The following NRP1 variants were observed in gnomAD, a reference collection of about 807,000 sequenced individuals.
NRP1 encodes the protein neuropilin-1.
NRP1 carries 35 observed loss-of-function variants against 106.7 expected under a neutral mutation model. The ratio of observed to expected loss-of-function variants is 0.33; its 90% CI spans 0.25 to 0.43. The LOEUF is 0.43. Ranked by LOEUF, NRP1 falls within the 20% of genes least tolerant of loss-of-function variation. The probability of loss-of-function intolerance (pLI) is 1.00; values close to 1 mark genes in which losing one functional copy is unlikely to be tolerated. For synonymous variants in NRP1, 437 were observed against 417.9 expected, an observed-to-expected ratio of 1.05 and a Z score of -0.56; for missense variants, 1,024 against 1,170.4, an observed-to-expected ratio of 0.87 and a Z score of 1.83.
At chr10:33,251,093 G>A (rs1243746526) in intron 6 of NRP1, among the ~76,000 whole-genome samples, 2 of 152,174 alleles carry the variant, frequency 1.3e-5, no homozygotes, top group Admixed American at 1.3e-4. Context: ...GAGGGGCCTG[G>A]TGGGAGGTGA....
chr10:33,206,685 A>C (rs11815961), intron 10 of NRP1, among the ~76,000 whole-genome samples: 39,253 of 152,142 alleles, frequency 0.26, 5,683 homozygotes, highest in East Asian at 0.6. Flanking sequence ...GTCATTCTTG[A>C]AGCTAGGCTG....
At chr10:33,332,878 A>AGTGTGTGT (rs34920873) in intron 1 of NRP1, among the ~76,000 whole-genome samples, 17,397 of 149,950 alleles carry the variant, frequency 0.12, 1,127 homozygotes, top group East Asian at 0.2. Context: ...AAAACTAAGA[A>AGTGTGTGT]GTGTGTGTGT....
chr10:33,269,678 C>T (rs552045900), intron 3 of NRP1, among the ~76,000 whole-genome samples: 1 of 152,168 alleles, frequency 6.6e-6, no homozygotes, highest in Non-Finnish European at 1.5e-5. Context: ...AAAGTGTTGT[C>T]TGTATTTACA....
intron 2 of NRP1, among the ~76,000 whole-genome samples, chr10:33,294,967 G>T (rs1309892760): frequency 6.6e-6 from 1 of 152,166 alleles, no homozygotes; most frequent in African/African-American, 2.4e-5. Flanking sequence ...TCAACTTTGG[G>T]CAATGGGTCT....
At chr10:33,234,585 G>A (rs201645469) in intron 6 of NRP1, among the ~76,000 whole-genome samples, 4 of 151,924 alleles carry the variant, frequency 2.6e-5, no homozygotes, top group East Asian at 1.9e-4. Flanking sequence ...TCATGCTGTC[G>A]AAAAACAAAA....
intron 2 of NRP1, among the ~76,000 whole-genome samples, chr10:33,302,769 C>T (rs1845891642): frequency 6.6e-6 from 1 of 152,168 alleles, no homozygotes; most frequent in Non-Finnish European, 1.5e-5. Flanking sequence ...AGAAGGACTG[C>T]ATGAAGAGCC....
In NRP1 at chr10:33,196,556, A is replaced by G. The variant is rs74938535; in HGVS notation, c.1924+1094T>C. Among the ~76,000 whole-genome samples, 788 of 152,158 alleles carry G rather than the reference A, an allele frequency of 5.2e-3. 6 individuals carry two copies. Among genetic ancestry groups the G allele is most frequent in the African/African-American group, 0.018 (749 of 41,510 alleles). On this transcript the variant is annotated intron_variant, in intron 12 of 16. Coordinates refer to ENST00000374867, the MANE Select transcript of NRP1 (RefSeq NM_003873.7). ...CTTAAGATGTGTGTAGGACGACACC[A>G]TTTTCTGAATTTAGGCAGTGACTCT...
chr10:33,284,362 G>C (rs529906215), intron 2 of NRP1, among the ~76,000 whole-genome samples: 2 of 152,312 alleles, frequency 1.3e-5, no homozygotes, highest in South Asian at 4.1e-4. Flanking sequence ...GATTGATAGT[G>C]TAGATAAAGT....
intron 11 of NRP1, among the ~76,000 whole-genome samples, chr10:33,199,383 A>ATATATATG (rs1564372757): frequency 3.3e-5 from 2 of 59,944 alleles, no homozygotes; most frequent in Non-Finnish European, 6.1e-5. Context: ...ATATATATAT[A>ATATATATG]TATATATTTT....
chr10:33,229,886 G>A (rs186267212), intron 6 of NRP1, among the ~76,000 whole-genome samples: 1 of 152,150 alleles, frequency 6.6e-6, no homozygotes, highest in Non-Finnish European at 1.5e-5. Context: ...ATAGTTTCCT[G>A]CTGTGCTTTA....
At chr10:33,268,735 G>A (rs1400598018) in intron 3 of NRP1, among the ~76,000 whole-genome samples, 1 of 152,196 alleles carries the variant, frequency 6.6e-6, no homozygotes, top group African/African-American at 2.4e-5. Context: ...GTACATATGT[G>A]TGTGTACATA....
intron 2 of NRP1, among the ~76,000 whole-genome samples, chr10:33,281,740 G>A (rs980274626): frequency 1.3e-5 from 2 of 152,134 alleles, no homozygotes. Context: ...AGAATCCCAG[G>A]GAGAAATAAA....
intron 2 of NRP1, among the ~76,000 whole-genome samples, chr10:33,293,279 T>C (rs1291853543): frequency 1.3e-5 from 2 of 152,244 alleles, no homozygotes; most frequent in Non-Finnish European, 2.9e-5. Flanking sequence ...ATTTTTGGCC[T>C]GACAAACTTT....
At chr10:33,295,890 A>G (rs1257172450) in intron 2 of NRP1, among the ~76,000 whole-genome samples, 1 of 152,234 alleles carries the variant, frequency 6.6e-6, no homozygotes, top group Admixed American at 6.5e-5. Flanking sequence ...AATTAAGTTA[A>G]TAACAAGCAA....
At chr10:33,307,856 C>A (rs1299113168) in intron 2 of NRP1, among the ~76,000 whole-genome samples, 2 of 152,102 alleles carry the variant, frequency 1.3e-5, no homozygotes, top group Non-Finnish European at 2.9e-5. Flanking sequence ...CCAGTAATCT[C>A]ATTACTGGGT....
At chr10:33,226,052 A>G in intron 7 of NRP1, 82 bp downstream of exon 7, 1 of 1,468,428 alleles carries the variant, frequency 6.8e-7, no homozygotes, top group South Asian at 1.2e-5. Context: ...CAGGCCAGAC[A>G]GAAAGCTACC....
At chr10:33,295,860 A>G (rs1424445312) in intron 2 of NRP1, among the ~76,000 whole-genome samples, 1 of 152,246 alleles carries the variant, frequency 6.6e-6, no homozygotes, top group Non-Finnish European at 1.5e-5. Context: ...AGGGCTGCCT[A>G]TTATGCTAAA....
chr10:33,206,088 C>T (rs1247391043), intron 10 of NRP1: 2 of 430,818 alleles, frequency 4.6e-6, no homozygotes, highest in Non-Finnish European at 9.3e-6. Context: ...GTTCTCATTA[C>T]AATTTTTGCA....
intron 12 of NRP1, chr10:33,194,387 CT>C (rs749020192): frequency 9.6e-5 from 17 of 176,802 alleles, no homozygotes; most frequent in Non-Finnish European, 1.8e-4. Flanking sequence ...CCTGTATTTA[CT>C]TTGTTAATAC....
Sources: gnomAD v4.1 joint callset for allele counts (sites outside exome capture counted in the v4.1 genomes callset) on GRCh38, gnomAD v4.1.1 for gene constraint, MANE v1.5 for transcripts, NCBI Gene and HGNC (gene_info 2026-07-23, HGNC 2026-07-21) for gene names.